FYB1: variants seen among roughly 807,000 people sequenced by gnomAD.
FYB1 encodes the protein FYN-binding protein 1.
A neutral mutation model predicts 94.1 loss-of-function variants in FYB1; 41 were observed. That is an observed-to-expected ratio of 0.44 (90% CI 0.34 to 0.57). The LOEUF is 0.57. FYB1 is among the 20% of genes least tolerant of loss of function. FYB1 has a pLI of 0.02. For synonymous variants in FYB1, 367 were observed against 353.2 expected (o/e 1.04, Z -0.44); for missense variants, 1,050 against 976.8 (o/e 1.07, Z -1.00).
At chr5:39,268,632 T>C (rs1024527869) in intron 1 of FYB1, among the ~76,000 whole-genome samples, 1 of 152,146 alleles carries the variant, frequency 6.6e-6, no homozygotes, top group African/African-American at 2.4e-5. Flanking sequence ...AATGGCGCGA[T>C]CTCGGCCCAC....
chr5:39,183,754 TG>T (rs1257586132), intron 2 of FYB1, among the ~76,000 whole-genome samples: 18 of 152,220 alleles, frequency 1.2e-4, no homozygotes, highest in African/African-American at 4.3e-4. Context: ...TGGGTTAAAA[TG>T]TTTCTATTGT....
intron 2 of FYB1, among the ~76,000 whole-genome samples, chr5:39,182,308 T>C (rs950030461): frequency 4.8e-4 from 2 of 4,156 alleles, no homozygotes; most frequent in Non-Finnish European, 5.6e-3. Flanking sequence ...TGTGTGTGTG[T>C]GTGTGTGTGT....
At chr5:39,172,482 A>G (rs367705869) in intron 2 of FYB1, among the ~76,000 whole-genome samples, 1 of 152,010 alleles carries the variant, frequency 6.6e-6, no homozygotes, top group African/African-American at 2.4e-5. Context: ...TTAATTCTAG[A>G]TTAGAGGGTA....
upstream of FYB1, among the ~76,000 whole-genome samples, chr5:39,220,378 C>G (rs1231041691): frequency 6.9e-6 from 1 of 145,602 alleles, no homozygotes; most frequent in African/African-American, 2.6e-5. Context: ...ACCACCATTG[C>G]ACTCCAGCCT....
intron 1 of FYB1, among the ~76,000 whole-genome samples, chr5:39,264,260 C>G (rs1010131132): frequency 6.6e-6 from 1 of 152,138 alleles, no homozygotes; most frequent in African/African-American, 2.4e-5. Context: ...ATAGGAGAAG[C>G]CAAAAGAGCT....
At chr5:39,139,297 A>C (rs944918393) in intron 4 of FYB1, 45 bp from the exon 5 acceptor site, 10 of 1,366,586 alleles carry the variant, frequency 7.3e-6, no homozygotes, top group Non-Finnish European at 8.9e-6. Context: ...GTAATAAGGA[A>C]GCACTTTAAT....
intron 2 of FYB1, among the ~76,000 whole-genome samples, chr5:39,160,223 C>CA (rs1445818927): frequency 1.3e-5 from 2 of 152,166 alleles, no homozygotes; most frequent in Non-Finnish European, 2.9e-5. Flanking sequence ...CACATACATG[C>CA]ACTCTGCAGA....
At chr5:39,176,963 G>A (rs2150412570) in intron 2 of FYB1, among the ~76,000 whole-genome samples, 1 of 152,280 alleles carries the variant, frequency 6.6e-6, no homozygotes, top group Middle Eastern at 3.4e-3. Context: ...GAGACTGGGG[G>A]GTTACAATTT....
chr5:39,270,248 A>C (rs1271593999), intron 1 of FYB1, among the ~76,000 whole-genome samples: 1 of 152,218 alleles, frequency 6.6e-6, no homozygotes, highest in Non-Finnish European at 1.5e-5. Flanking sequence ...TCATAACAGG[A>C]AACTCGACTA....
chr5:39,160,908 T>C (rs1744186960), intron 2 of FYB1, among the ~76,000 whole-genome samples: 1 of 152,194 alleles, frequency 6.6e-6, no homozygotes. Flanking sequence ...ATTAGAAGTT[T>C]TCTAAACTGC....
intron 3 of FYB1, among the ~76,000 whole-genome samples, chr5:39,150,266 A>G (rs1743125851): frequency 6.6e-6 from 1 of 151,994 alleles, no homozygotes; most frequent in Admixed American, 6.6e-5. Context: ...TTCTGTCATA[A>G]TAATGAAGCT....
intron 2 of FYB1, among the ~76,000 whole-genome samples, chr5:39,189,235 C>CTTTT (rs199894461): frequency 1.0e-4 from 14 of 136,956 alleles, no homozygotes; most frequent in East Asian, 6.3e-4. Context: ...TATGGAATTC[C>CTTTT]TTTTTTTTTT....
chr5:39,207,757 T>C (rs143392615), intron 1 of FYB1, among the ~76,000 whole-genome samples: 63 of 151,758 alleles, frequency 4.2e-4, no homozygotes, highest in African/African-American at 1.5e-3. Flanking sequence ...GCTAATCTAC[T>C]GGTTCTTAAC....
chr5:39,187,816 T>G (rs1240203704), intron 2 of FYB1, among the ~76,000 whole-genome samples: 1 of 147,504 alleles, frequency 6.8e-6, no homozygotes, highest in Non-Finnish European at 1.5e-5. Flanking sequence ...TTCTTTGCCT[T>G]GCATACCACC....
chr5:39,201,139 A>G (rs1748279968), intron 2 of FYB1, among the ~76,000 whole-genome samples: 1 of 152,250 alleles, frequency 6.6e-6, no homozygotes, highest in Non-Finnish European at 1.5e-5. Context: ...AACACAAAGT[A>G]CCATTTCATG....
At chr5:39,264,349 T>A (rs752097962) in intron 1 of FYB1, among the ~76,000 whole-genome samples, 2 of 152,220 alleles carry the variant, frequency 1.3e-5, no homozygotes, top group Non-Finnish European at 2.9e-5. Flanking sequence ...TACAAGACTA[T>A]GACCAATCTG....
upstream of FYB1, among the ~76,000 whole-genome samples, chr5:39,221,215 G>C (rs529747262): frequency 6.6e-6 from 1 of 152,118 alleles, no homozygotes; most frequent in African/African-American, 2.4e-5. Context: ...TCCCCTCCCA[G>C]CTGGCTGGGA....
chr5:39,186,071 C>T (rs1328117029), intron 2 of FYB1, among the ~76,000 whole-genome samples: 1 of 152,122 alleles, frequency 6.6e-6, no homozygotes, highest in Non-Finnish European at 1.5e-5. Context: ...CCCCTCTCTT[C>T]CCTCAAGCGG....
chr5:39,193,258 T>C (rs1392573864), intron 2 of FYB1, among the ~76,000 whole-genome samples: 2 of 152,180 alleles, frequency 1.3e-5, no homozygotes, highest in East Asian at 1.9e-4. Flanking sequence ...GTCTGCCTTG[T>C]GAGGGAGCAA....
Sources: allele counts gnomAD v4.1 joint callset (sites outside exome capture counted in the v4.1 genomes callset), GRCh38; gene constraint gnomAD v4.1.1; transcripts MANE v1.5; gene names NCBI Gene and HGNC (gene_info 2026-07-23, HGNC 2026-07-21).